MDGA2: variants seen among roughly 807,000 people sequenced by gnomAD.
The protein encoded by MDGA2 is MAM domain-containing glycosylphosphatidylinositol anchor protein 2.
Under a neutral mutation model 117.8 loss-of-function variants are expected in MDGA2, and 40 were observed. The ratio of observed to expected loss-of-function variants is 0.34; its 90% CI spans 0.26 to 0.44. MDGA2 has a LOEUF of 0.44. Among genes scored for constraint, MDGA2 ranks in the 20% least tolerant of loss-of-function variants. MDGA2 has a pLI of 1.00. For synonymous variants in MDGA2, 452 were observed against 439.0 expected, an observed-to-expected ratio of 1.03 and a Z score of -0.37; for missense variants, 1,123 against 1,250.6, an observed-to-expected ratio of 0.90 and a Z score of 1.54.
intron 10 of MDGA2, among the ~76,000 whole-genome samples, chr14:46,899,487 T>C (rs1237411360): frequency 6.6e-6 from 1 of 151,908 alleles, no homozygotes; most frequent in Non-Finnish European, 1.5e-5. Flanking sequence ...CTCACAGAAA[T>C]ATATTACTGC....
intron 8 of MDGA2, among the ~76,000 whole-genome samples, chr14:47,026,844 C>T (rs1223169416): frequency 6.6e-6 from 1 of 151,922 alleles, no homozygotes; most frequent in Non-Finnish European, 1.5e-5. Flanking sequence ...AAGAAAAAAG[C>T]CCCCAGGAAC....
chr14:46,992,822 A>T (rs1373811840), intron 8 of MDGA2, among the ~76,000 whole-genome samples: 1 of 152,190 alleles, frequency 6.6e-6, no homozygotes, highest in African/African-American at 2.4e-5. Flanking sequence ...GTGAGCAAAA[A>T]TAGCATCCAT....
At chr14:47,513,466 C>T (rs1894685115) in intron 1 of MDGA2, among the ~76,000 whole-genome samples, 1 of 152,014 alleles carries the variant, frequency 6.6e-6, no homozygotes, top group African/African-American at 2.4e-5. Context: ...AGTGACTTTT[C>T]CTACCCACTC....
intron 6 of MDGA2, among the ~76,000 whole-genome samples, chr14:47,088,678 A>G (rs993130243): frequency 3.9e-5 from 6 of 152,192 alleles, no homozygotes; most frequent in Non-Finnish European, 7.4e-5. Flanking sequence ...AGCTTAAGAT[A>G]TATACCTTTC....
Position 47,675,026 on chromosome 14 carries a change from C to A in MDGA2, c.-230G>T. 1 of 227,038 alleles carries A rather than the reference C, an allele frequency of 4.4e-6. No individual in the cohort carries two copies. 14.1% of individuals were successfully genotyped at this position (227,038 alleles called of 1,614,324 possible). A position where few individuals can be genotyped will look rare whatever the true frequency, so the allele number is the denominator to read the frequency against. On this transcript the variant is annotated 5_prime_UTR_variant, in exon 1 of 17. Coordinates refer to ENST00000399232, the MANE Select transcript of MDGA2 (RefSeq NM_001113498.3). ...GGCGGCGCGCTGGGCCGGCGGCGGG[C>A]GCGGGCAGGGGGCCGGGGGTGCCGC...
At chr14:47,183,377 A>C (rs996979975) in intron 3 of MDGA2, among the ~76,000 whole-genome samples, 4 of 152,078 alleles carry the variant, frequency 2.6e-5, no homozygotes, top group African/African-American at 9.7e-5. Flanking sequence ...CCCTACATTC[A>C]TTCATCACAT....
intron 3 of MDGA2, among the ~76,000 whole-genome samples, chr14:47,192,992 T>C (rs1256298562): frequency 6.6e-6 from 1 of 152,262 alleles, no homozygotes; most frequent in Non-Finnish European, 1.5e-5. Context: ...GTTAGAGCTA[T>C]CTGAATCTCA....
intron 1 of MDGA2, among the ~76,000 whole-genome samples, chr14:47,424,992 G>A (rs1461590009): frequency 6.6e-6 from 1 of 152,172 alleles, no homozygotes; most frequent in African/African-American, 2.4e-5. Flanking sequence ...GAAAAGGAAG[G>A]TAGATAGGGG....
At chr14:47,046,698 C>T (rs548072297) in intron 7 of MDGA2, among the ~76,000 whole-genome samples, 5 of 151,652 alleles carry the variant, frequency 3.3e-5, no homozygotes, top group Admixed American at 6.6e-5. Context: ...GAATTTTAAC[C>T]TTAAAAGTTG....
intron 1 of MDGA2, among the ~76,000 whole-genome samples, chr14:47,505,743 T>C (rs1164914164): frequency 6.6e-6 from 1 of 152,214 alleles, no homozygotes; most frequent in Non-Finnish European, 1.5e-5. Context: ...ATAATTTGAA[T>C]TGAAATCCAG....
intron 14 of MDGA2, among the ~76,000 whole-genome samples, chr14:46,872,389 A>G (rs763707342): frequency 3.9e-5 from 6 of 151,960 alleles, no homozygotes; most frequent in Non-Finnish European, 7.4e-5. Context: ...TATTGAAAAC[A>G]TACCTCTTTT....
chr14:47,194,439 A>AT (rs753936713), intron 3 of MDGA2, among the ~76,000 whole-genome samples: 31 of 150,500 alleles, frequency 2.1e-4, no homozygotes, highest in Non-Finnish European at 3.8e-4. Context: ...ATATATATAT[A>AT]TTTTTTTACA....
Position 46,840,480 on chromosome 14 carries a change from G to A in MDGA2, c.*1451C>T, listed in dbSNP as rs759914163. 6.6e-6 allele frequency: 1 copy of A among 152,460 alleles called. No homozygotes were observed. Among genetic ancestry groups the A allele is most frequent in the Admixed American group, 6.6e-5 (1 of 15,242 alleles). 9.4% of individuals were successfully genotyped at this position (152,460 alleles called of 1,614,324 possible). On this transcript the variant is annotated 3_prime_UTR_variant, in exon 17 of 17. Coordinates refer to ENST00000399232, the MANE Select transcript of MDGA2 (RefSeq NM_001113498.3). Reference sequence around the variant, plus strand: ...TGGCTGGTTAAAGATATGATTTGTCGTCAGGTAGCTCAAAATTATTTTTAC... The same window carrying A: ...TGGCTGGTTAAAGATATGATTTGTCATCAGGTAGCTCAAAATTATTTTTAC...
intron 3 of MDGA2, among the ~76,000 whole-genome samples, chr14:47,174,202 G>A (rs1207982781): frequency 3.9e-5 from 6 of 152,202 alleles, no homozygotes; most frequent in African/African-American, 1.4e-4. Flanking sequence ...AATAATGGGA[G>A]ACTTTAACAC....
At chr14:46,974,506 G>A (rs117769856) in intron 8 of MDGA2, among the ~76,000 whole-genome samples, 274 of 152,136 alleles carry the variant, frequency 1.8e-3, no homozygotes, top group East Asian at 6.0e-3. Context: ...TCAAAACAGC[G>A]TGGTACTGGC....
At chr14:46,964,828 C>G (rs1885951912) in intron 8 of MDGA2, among the ~76,000 whole-genome samples, 1 of 149,848 alleles carries the variant, frequency 6.7e-6, no homozygotes, top group South Asian at 2.1e-4. Context: ...TTTTTTTCTT[C>G]TTACAAAAGG....
At chr14:47,040,507 G>A (rs1889026409) in intron 7 of MDGA2, among the ~76,000 whole-genome samples, 1 of 152,112 alleles carries the variant, frequency 6.6e-6, no homozygotes, top group South Asian at 2.1e-4. Context: ...CTCTGGAAAT[G>A]ATGTTCTGAA....
At chr14:47,349,258 A>G (rs1345924112) in intron 1 of MDGA2, among the ~76,000 whole-genome samples, 2 of 152,226 alleles carry the variant, frequency 1.3e-5, no homozygotes, top group East Asian at 1.9e-4. Flanking sequence ...CCTAGACATG[A>G]GTCCAAATGC....
At chr14:47,545,800 A>C (rs1208658525) in intron 1 of MDGA2, among the ~76,000 whole-genome samples, 1 of 152,132 alleles carries the variant, frequency 6.6e-6, no homozygotes, top group East Asian at 1.9e-4. Flanking sequence ...AAAAGAAATC[A>C]AGGAGATAGT....
Sources: allele counts gnomAD v4.1 joint callset (sites outside exome capture counted in the v4.1 genomes callset), GRCh38; gene constraint gnomAD v4.1.1; transcripts MANE v1.5; gene names NCBI Gene and HGNC (gene_info 2026-07-23, HGNC 2026-07-21).